The following TACC1 variants were observed in gnomAD, a reference collection of about 807,000 sequenced individuals.
The protein encoded by TACC1 is transforming acidic coiled-coil-containing protein 1.
Under a neutral mutation model 84.4 loss-of-function variants are expected in TACC1, and 48 were observed. That is an observed-to-expected ratio of 0.57 (90% CI 0.45 to 0.72). The LOEUF is 0.72. Among genes scored for constraint, TACC1 ranks in the 30% least tolerant of loss-of-function variants. The probability of loss-of-function intolerance (pLI) is 0.00; values close to 1 mark genes in which losing one functional copy is unlikely to be tolerated. For synonymous variants in TACC1, 372 were observed against 376.3 expected (o/e 0.99, Z 0.13); for missense variants, 920 against 973.0 (o/e 0.95, Z 0.72).
intron 6 of TACC1, among the ~76,000 whole-genome samples, chr8:38,835,115 G>A (rs141606182): frequency 0.024 from 3,605 of 152,056 alleles, 58 homozygotes; most frequent in Non-Finnish European, 0.036. Flanking sequence ...TTAGCCGGGC[G>A]TGGTGGCGGG....
intron 3 of TACC1, among the ~76,000 whole-genome samples, chr8:38,822,048 C>T (rs923521765): frequency 2.0e-5 from 3 of 151,582 alleles, no homozygotes; most frequent in African/African-American, 7.3e-5. Flanking sequence ...TAGTGAGACA[C>T]CCCCCCACAC....
At chr8:38,787,153 C>A, upstream of TACC1, 1 of 984,254 alleles carries the variant, frequency 1.0e-6, no homozygotes, top group Non-Finnish European at 1.2e-6. Flanking sequence ...CGCGCGCGCG[C>A]GCGAGTAGTA....
intron 3 of TACC1, among the ~76,000 whole-genome samples, chr8:38,776,346 C>T (rs1454730899): frequency 2.6e-5 from 4 of 152,164 alleles, no homozygotes; most frequent in Admixed American, 6.5e-5. Flanking sequence ...ATTAGGACAT[C>T]ATCCACGGGG....
At chr8:38,740,941 A>G (rs1806939685) in intron 1 of TACC1, among the ~76,000 whole-genome samples, 1 of 152,082 alleles carries the variant, frequency 6.6e-6, no homozygotes, top group Non-Finnish European at 1.5e-5. Flanking sequence ...GTTTTGTTGT[A>G]CCTTGGCAGC....
chr8:38,748,977 G>T (rs1808541697), intron 3 of TACC1, among the ~76,000 whole-genome samples: 1 of 151,296 alleles, frequency 6.6e-6, no homozygotes, highest in South Asian at 2.1e-4. Flanking sequence ...ACGAAAAAAA[G>T]AGATAAAAAA....
chr8:38,771,251 C>A (rs1309715150), intron 3 of TACC1, among the ~76,000 whole-genome samples: 1 of 152,038 alleles, frequency 6.6e-6, no homozygotes, highest in Non-Finnish European at 1.5e-5. Flanking sequence ...GGGGATGGAG[C>A]CAGGATCTCC....
At chr8:38,733,227 G>T (rs920920334) in intron 1 of TACC1, among the ~76,000 whole-genome samples, 1 of 151,346 alleles carries the variant, frequency 6.6e-6, no homozygotes, top group Admixed American at 6.6e-5. Context: ...AGACAGAGAC[G>T]ATCCCAGCTG....
At chr8:38,787,200 C>T (rs1817385632), upstream of TACC1, 2 of 988,946 alleles carry the variant, frequency 2.0e-6, no homozygotes, top group Non-Finnish European at 2.4e-6. Context: ...GCGGCTCCGG[C>T]GGCAGCTGAT....
intron 7 of TACC1, 71 bp from the exon 8 acceptor site, chr8:38,838,399 G>C: frequency 9.6e-7 from 1 of 1,042,526 alleles, no homozygotes; most frequent in Non-Finnish European, 1.5e-6. Context: ...CTGGTTGTGT[G>C]CTATTTCAGT....
At position 38,846,816 on chromosome 8, in the gene TACC1, G is replaced by A. The variant is rs372976295; in HGVS notation, c.2346G>A (p.Gln782=). 1.9e-6 allele frequency: 3 copies of A among 1,614,182 alleles called. No homozygotes were observed. The highest frequency in any genetic ancestry group is 2.5e-6 in the Non-Finnish European group (3 of 1,179,994). The change falls in exon 12 of 13, where the codon CAG becomes CAA. Residue 782 remains glutamine, a synonymous_variant. Coordinates refer to ENST00000317827, the MANE Select transcript of TACC1 (RefSeq NM_006283.3). ...KVESLERALQ[Q]KNQEIEELTK... is the part of the protein sequence containing the mutation. ...AGTCCCTGGAAAGGGCCCTGCAGCA[G>A]AAGGTACAGAAAGGGACCTGATCTG...
At chr8:38,786,522 C>T (rs973801169), upstream of TACC1, among the ~76,000 whole-genome samples, 4 of 152,090 alleles carry the variant, frequency 2.6e-5, no homozygotes, top group African/African-American at 9.7e-5. Context: ...GGCAACATAT[C>T]GAGACGCCTG....
chr8:38,822,761 G>C (rs1443297910), intron 3 of TACC1, among the ~76,000 whole-genome samples: 4 of 152,044 alleles, frequency 2.6e-5, no homozygotes, highest in African/African-American at 9.7e-5. Context: ...CTAAGACACA[G>C]ACACACACAT....
rs113512473 is a variant in TACC1 at position 38,832,337 on chromosome 8, G to A, written c.1713+1160G>A. Among the ~76,000 whole-genome samples the A allele has an allele frequency of 5.7e-3, 875 of 152,332 alleles. 2 individuals carry two copies. Among genetic ancestry groups the A allele is most frequent in the Middle Eastern group, 0.017 (5 of 294 alleles). On this transcript the variant is annotated intron_variant, in intron 6 of 12. Transcript: ENST00000317827. The stretch of plus-strand genomic sequence containing the variant: ...AACACGTGGAAAAGAGAGTGGAAAG[G>A]AAGAGAGTGAAAAAGAAAAATGGCA...
chr8:38,782,246 C>T (rs1193282706), upstream of TACC1, among the ~76,000 whole-genome samples: 1 of 152,012 alleles, frequency 6.6e-6, no homozygotes, highest in Non-Finnish European at 1.5e-5. Flanking sequence ...GTTCAATTCC[C>T]ACCTATGAGT....
rs1394479709 is a variant in TACC1 at position 38,776,340 on chromosome 8, G to A, written c.27-12364G>A. Reference sequence around the variant, plus strand: ...CTCAGTCCTGTTTTTAGGATAATTAGGACATCATCCACGGGGCAGGCTTGA... The same window carrying A: ...CTCAGTCCTGTTTTTAGGATAATTAAGACATCATCCACGGGGCAGGCTTGA... On this transcript the variant is annotated intron_variant, in intron 3 of 14. Transcript: ENST00000518415. Among the ~76,000 whole-genome samples the A allele has an allele frequency of 1.3e-5, 2 of 152,168 alleles. 1 individual carries two copies. The highest frequency in any genetic ancestry group is 4.1e-4 in the South Asian group (2 of 4,822).
intron 3 of TACC1, among the ~76,000 whole-genome samples, chr8:38,753,865 A>G (rs924322111): frequency 2.8e-5 from 4 of 141,994 alleles, no homozygotes; most frequent in Non-Finnish European, 6.2e-5. Context: ...ATTTCTCTGC[A>G]ACACAAGAGG....
At chr8:38,840,421 T>C in intron 9 of TACC1, 154 bp downstream of exon 9, 1 of 617,424 alleles carries the variant, frequency 1.6e-6, no homozygotes, top group South Asian at 2.1e-5. Flanking sequence ...TGCCCACAGA[T>C]GAGATGTCTG....
At position 38,819,467 on chromosome 8, in the gene TACC1, A is replaced by C. The variant is rs147148984; in HGVS notation, c.278-55A>C. 454 of 1,517,760 alleles carry C rather than the reference A, an allele frequency of 3.0e-4. 1 individual carries two copies. The African/African-American group carries it at 5.6e-3, about 19-fold the overall frequency. The allele number at this position is 1,517,760 out of a possible 1,614,324, so 94.0% of individuals were successfully genotyped here. ...TTTATATGAATTCAGGTAAGAGAGGATACTTACCAGTGACAGATAATTCTT... is the reference window on the plus strand; with the variant it reads ...TTTATATGAATTCAGGTAAGAGAGGCTACTTACCAGTGACAGATAATTCTT... On this transcript the variant is annotated intron_variant, in intron 2 of 12. Transcript: ENST00000317827.
chr8:38,730,648 C>G (rs1804741708), intron 1 of TACC1, among the ~76,000 whole-genome samples: 1 of 152,242 alleles, frequency 6.6e-6, no homozygotes, highest in African/African-American at 2.4e-5. Flanking sequence ...GGGGCTGGGG[C>G]CCCCTCCCCC....
Sources: allele counts gnomAD v4.1 joint callset (sites outside exome capture counted in the v4.1 genomes callset), GRCh38; gene constraint gnomAD v4.1.1; transcripts MANE v1.5; gene names NCBI Gene and HGNC (gene_info 2026-07-23, HGNC 2026-07-21).